PIH1D2: variants seen among roughly 807,000 people sequenced by gnomAD.
The protein encoded by PIH1D2 is PIH1 domain containing 2, also known as PIH1 domain-containing protein 2.
PIH1D2 carries 25 observed loss-of-function variants against 31.2 expected under a neutral mutation model. The observed-to-expected ratio is 0.80, with a 90% CI of 0.58 to 1.12. The LOEUF is 1.12. Among genes scored for constraint, PIH1D2 ranks in the 50% most tolerant of loss-of-function variants. The pLI is 0.00. For synonymous variants in PIH1D2, 116 were observed against 119.9 expected (o/e 0.97, Z 0.21); for missense variants, 310 against 356.6 (o/e 0.87, Z 1.05).
intron 5 of PIH1D2, among the ~76,000 whole-genome samples, chr11:112,068,676 C>T (rs1205455995): frequency 6.6e-6 from 1 of 151,960 alleles, no homozygotes; most frequent in African/African-American, 2.4e-5. Context: ...CCCAGCTACT[C>T]AGGAGGCTGA....
chr11:112,059,326 CCTA>C (rs1279868212), downstream of PIH1D2, among the ~76,000 whole-genome samples: 2 of 151,878 alleles, frequency 1.3e-5, no homozygotes, highest in East Asian at 3.8e-4. Flanking sequence ...GCGAAACCAA[CCTA>C]CTGCTGCTGA....
chr11:112,072,267 T>G (rs1258626536), intron 2 of PIH1D2, among the ~76,000 whole-genome samples: 1 of 152,010 alleles, frequency 6.6e-6, no homozygotes, highest in African/African-American at 2.4e-5. Flanking sequence ...GAATCCAGAC[T>G]GGGGTGGTGG....
At chr11:112,069,154 A>G (rs1277799973) in intron 5 of PIH1D2, among the ~76,000 whole-genome samples, 1 of 151,082 alleles carries the variant, frequency 6.6e-6, no homozygotes, top group Non-Finnish European at 1.5e-5. Context: ...GCCCACCACC[A>G]CGCCCGGCTG....
downstream of PIH1D2, among the ~76,000 whole-genome samples, chr11:112,065,554 T>C (rs1039449131): frequency 3.3e-5 from 5 of 152,158 alleles, no homozygotes; most frequent in African/African-American, 1.2e-4. Flanking sequence ...TAGGACATGA[T>C]ACAGTTCCAG....
chr11:112,058,994 G>C (rs1592726825), downstream of PIH1D2, among the ~76,000 whole-genome samples: 2 of 151,580 alleles, frequency 1.3e-5, no homozygotes, highest in African/African-American at 4.9e-5. Context: ...AGATGCATAG[G>C]GACACATTCT....
chr11:112,058,531 G>A (rs1864260192), downstream of PIH1D2, among the ~76,000 whole-genome samples: 1 of 149,310 alleles, frequency 6.7e-6, no homozygotes, highest in Admixed American at 6.7e-5. Context: ...CAGAACACTA[G>A]CAGGGGCCCT....
At chr11:112,059,653 A>G (rs1555182969), downstream of PIH1D2, among the ~76,000 whole-genome samples, 1 of 152,166 alleles carries the variant, frequency 6.6e-6, no homozygotes, top group African/African-American at 2.4e-5. Flanking sequence ...TCAGCCTCCC[A>G]AAGTGTTGGG....
Position 112,068,560 on chromosome 11 carries a change from G to C in PIH1D2, c.814-555C>G, listed in dbSNP as rs587728617. Among the ~76,000 whole-genome samples the C allele has an allele frequency of 2.7e-3, 418 of 152,214 alleles. 2 individuals carry two copies. The highest frequency in any genetic ancestry group is 9.5e-3 in the African/African-American group (394 of 41,532). On this transcript the variant is annotated intron_variant, in intron 5 of 5. Coordinates refer to ENST00000280350, the MANE Select transcript of PIH1D2 (RefSeq NM_138789.4). ...CACTTTGGGAGGCTGAGGGCAGGTG[G>C]ATCACTTGAGGCCAGGAGTTCGAGA...
rs2135229047 is a variant in PIH1D2, at chr11:112,073,097, G to A, written c.78C>T (p.Asp26=). 4 of 1,614,036 alleles carry A rather than the reference G, an allele frequency of 2.5e-6. No individual in the cohort carries two copies. Among genetic ancestry groups the A allele is most frequent in the East Asian group, 4.5e-5 (2 of 44,880 alleles). The change falls in exon 2 of 6, where the codon GAC becomes GAT. Residue 26 remains aspartate, a synonymous_variant. Transcript: ENST00000280350. The stretch of plus-strand genomic sequence containing the variant: ...GAATAAACTTCTCATAGCCCTCAGG[G>A]TCACTCTGAGCTAGATCATCTAGGA... ...WNLLDDLAQS[D]PEGYEKFIQQ...
intron 5 of PIH1D2, chr11:112,070,053 G>A: frequency 3.1e-6 from 1 of 323,824 alleles, no homozygotes; most frequent in Non-Finnish European, 5.7e-6. Flanking sequence ...CTGTAGGACT[G>A]ACTCTAACTA....
At position 112,073,031 on chromosome 11, in the gene PIH1D2, T is replaced by C. The variant is rs1555185016; in HGVS notation, c.144A>G (p.Pro48=). The C allele has an allele frequency of 1.2e-6, 2 of 1,613,658 alleles. No homozygotes were observed. Among genetic ancestry groups the C allele is most frequent in the South Asian group, 1.1e-5 (1 of 91,024 alleles). The change falls in exon 2 of 6, where the codon CCA becomes CCG. Residue 48 remains proline, a synonymous_variant. Coordinates refer to ENST00000280350, the MANE Select transcript of PIH1D2 (RefSeq NM_138789.4). ...TGGTCTGTAGACAAAGCTGTGGTTCTGGGGCAGCACAGAGCTGTTTCCCTT... is the reference window on the plus strand; with the variant it reads ...TGGTCTGTAGACAAAGCTGTGGTTCCGGGGCAGCACAGAGCTGTTTCCCTT... ...LKEGKQLCAA[P]EPQLCLQTRI...
At chr11:112,060,130 AT>A, downstream of PIH1D2, 2 of 1,228,648 alleles carry the variant, frequency 1.6e-6, no homozygotes, top group East Asian at 2.6e-5. Flanking sequence ...CATTTATTGC[AT>A]TTTTCACCTT....
chr11:112,053,172 A>T, the PIH1D2 span, among the ~76,000 whole-genome samples: 3 of 152,044 alleles, frequency 2.0e-5, no homozygotes, highest in Non-Finnish European at 2.9e-5. Context: ...AAATACAAAA[A>T]TTAGCTGAGC....
chr11:112,066,421 A>G (rs1373625624), downstream of PIH1D2, among the ~76,000 whole-genome samples: 1 of 152,018 alleles, frequency 6.6e-6, no homozygotes, highest in Non-Finnish European at 1.5e-5. Context: ...CAGGCGGATC[A>G]CCTGAGGTCA....
the PIH1D2 span, among the ~76,000 whole-genome samples, chr11:112,054,214 G>T: frequency 6.6e-6 from 1 of 152,096 alleles, no homozygotes; most frequent in Non-Finnish European, 1.5e-5. Context: ...TAATCAGGAG[G>T]CTGAGGCAGG....
downstream of PIH1D2, chr11:112,067,734 A>G: frequency 1.6e-6 from 1 of 620,438 alleles, no homozygotes; most frequent in South Asian, 1.9e-5. Flanking sequence ...AGGTGAAGAG[A>G]AAATCTCAGT....
At chr11:112,057,897 A>C in the PIH1D2 span, among the ~76,000 whole-genome samples, 5 of 152,214 alleles carry the variant, frequency 3.3e-5, no homozygotes, top group Non-Finnish European at 5.9e-5. Context: ...AAGTATTTTT[A>C]AATTAAGGTG....
the PIH1D2 span, among the ~76,000 whole-genome samples, chr11:112,053,005 G>A: frequency 6.6e-6 from 1 of 152,122 alleles, no homozygotes; most frequent in Non-Finnish European, 1.5e-5. Context: ...CAAAGACCAA[G>A]TATATATTAT....
chr11:112,072,236 AG>A (rs1865141890), intron 2 of PIH1D2, among the ~76,000 whole-genome samples: 1 of 152,114 alleles, frequency 6.6e-6, no homozygotes, highest in Non-Finnish European at 1.5e-5. Context: ...GATTTCCCCA[AG>A]GCTGCTGGCT....
Sources: gnomAD v4.1 joint callset for allele counts (sites outside exome capture counted in the v4.1 genomes callset) on GRCh38, gnomAD v4.1.1 for gene constraint, MANE v1.5 for transcripts, NCBI Gene and HGNC (gene_info 2026-07-23, HGNC 2026-07-21) for gene names.